Variants in SND1 observed in about 807,000 individuals in gnomAD.
SND1 encodes staphylococcal nuclease and tudor domain containing 1, also known as staphylococcal nuclease domain-containing protein 1.
SND1 carries 38 observed loss-of-function variants against 121.7 expected under a neutral mutation model. The observed-to-expected ratio is 0.31, with a 90% CI of 0.24 to 0.41. The LOEUF is 0.41. SND1 is among the 10% of genes least tolerant of loss of function. The pLI, the probability that SND1 is intolerant of heterozygous loss-of-function variation, is 1.00. For synonymous variants in SND1, 401 were observed against 447.4 expected (o/e 0.90, Z 1.31); for missense variants, 868 against 1,184.6 (o/e 0.73, Z 3.92).
intron 16 of SND1, among the ~76,000 whole-genome samples, chr7:128,050,375 T>C (rs1793025368): frequency 6.6e-6 from 1 of 152,236 alleles, no homozygotes. Flanking sequence ...GTTCTTCTCC[T>C]TACCTCTTTT....
intron 16 of SND1, among the ~76,000 whole-genome samples, chr7:128,040,715 T>G (rs1222608126): frequency 6.6e-6 from 1 of 152,262 alleles, no homozygotes; most frequent in East Asian, 1.9e-4. Context: ...AAACCTATTA[T>G]GTCCTTTTCT....
chr7:127,868,996 T>C (rs1401132329), intron 12 of SND1, among the ~76,000 whole-genome samples: 1 of 152,066 alleles, frequency 6.6e-6, no homozygotes, highest in African/African-American at 2.4e-5. Flanking sequence ...TTCGTTCCAA[T>C]GGGGGCAATC....
chr7:127,976,256 T>C (rs1802118044), intron 15 of SND1, among the ~76,000 whole-genome samples: 1 of 152,274 alleles, frequency 6.6e-6, no homozygotes, highest in African/African-American at 2.4e-5. Context: ...AATCCTGATT[T>C]CTGGCAAGCT....
At chr7:127,848,678 T>C (rs1799112247) in intron 12 of SND1, among the ~76,000 whole-genome samples, 1 of 152,214 alleles carries the variant, frequency 6.6e-6, no homozygotes, top group Admixed American at 6.5e-5. Flanking sequence ...CAGACTTCTG[T>C]AACTACAGAA....
intron 10 of SND1, among the ~76,000 whole-genome samples, chr7:127,777,558 G>A (rs1797644110): frequency 6.6e-6 from 1 of 152,174 alleles, no homozygotes; most frequent in Admixed American, 6.5e-5. Flanking sequence ...GGACATGATA[G>A]CACTATTAAA....
intron 12 of SND1, among the ~76,000 whole-genome samples, chr7:127,873,907 A>G (rs926992320): frequency 1.4e-5 from 2 of 147,686 alleles, no homozygotes; most frequent in African/African-American, 2.4e-5. Flanking sequence ...ACTATTCTAA[A>G]CAAAAGGAAG....
At chr7:127,789,779 T>C (rs1175296681) in intron 10 of SND1, among the ~76,000 whole-genome samples, 1 of 152,246 alleles carries the variant, frequency 6.6e-6, no homozygotes, top group Non-Finnish European at 1.5e-5. Context: ...GTTTATGTTG[T>C]TGATCCTTCA....
chr7:127,952,917 C>A (rs1172242435), intron 15 of SND1, among the ~76,000 whole-genome samples: 2 of 152,056 alleles, frequency 1.3e-5, no homozygotes, highest in Non-Finnish European at 2.9e-5. Flanking sequence ...AATCCCAGCA[C>A]TTTGGGAGGC....
At chr7:127,751,213 A>G (rs570003190) in intron 10 of SND1, among the ~76,000 whole-genome samples, 1 of 152,180 alleles carries the variant, frequency 6.6e-6, no homozygotes, top group African/African-American at 2.4e-5. Context: ...TGAATGGTGT[A>G]AAAGCCTAGC....
At chr7:127,721,664 G>A (rs1183215439) in intron 10 of SND1, among the ~76,000 whole-genome samples, 1 of 152,164 alleles carries the variant, frequency 6.6e-6, no homozygotes, top group African/African-American at 2.4e-5. Flanking sequence ...AGTGCAGTGA[G>A]GGTTGGGATA....
At chr7:127,837,659 G>C (rs938350783) in intron 11 of SND1, among the ~76,000 whole-genome samples, 1 of 152,194 alleles carries the variant, frequency 6.6e-6, no homozygotes, top group African/African-American at 2.4e-5. Context: ...TTGTTTTGAA[G>C]CTCTTCCTGT....
chr7:127,781,615 TC>T (rs1797724711), intron 10 of SND1, among the ~76,000 whole-genome samples: 1 of 152,042 alleles, frequency 6.6e-6, no homozygotes, highest in Admixed American at 6.5e-5. Context: ...GGAATAGAAA[TC>T]CGGTTCTGAA....
intron 12 of SND1, among the ~76,000 whole-genome samples, chr7:127,874,631 T>A (rs1799657822): frequency 6.6e-6 from 1 of 151,748 alleles, no homozygotes; most frequent in Admixed American, 6.6e-5. Flanking sequence ...GAAAAAAAAA[T>A]AAGGAATGAA....
chr7:127,923,419 C>T (rs1000296924), intron 14 of SND1, among the ~76,000 whole-genome samples: 1 of 152,244 alleles, frequency 6.6e-6, no homozygotes, highest in Non-Finnish European at 1.5e-5. Context: ...CCTGGTCTCT[C>T]TAGTACACAT....
intron 1 of SND1, chr7:127,679,272 C>T (rs1441674261): frequency 6.6e-6 from 1 of 152,264 alleles, no homozygotes; most frequent in African/African-American, 2.4e-5. Context: ...TGGGGTGAGT[C>T]ACCATGCCTG....
chr7:128,084,798 G>GCC lies in SND1; in HGVS notation c.2190_2191dup (p.Arg731ProfsTer12). The GCC allele has an allele frequency of 1.2e-6, 2 of 1,608,610 alleles. No individual in the cohort carries two copies. Among genetic ancestry groups the GCC allele is most frequent in the Non-Finnish European group, 1.7e-6 (2 of 1,176,242 alleles). On this transcript the variant is annotated frameshift_variant, in exon 19 of 24. Transcript: ENST00000354725. LOFTEE classifies it high-confidence loss of function. ...TCACCCCCCTGTAGAGGGCTCCTAT[G>GCC]CCCCCCGCAGGGGAGAGTTCTGCAT...
At chr7:127,835,315 G>A (rs1299415233) in intron 11 of SND1, among the ~76,000 whole-genome samples, 1 of 152,150 alleles carries the variant, frequency 6.6e-6, no homozygotes, top group Non-Finnish European at 1.5e-5. Context: ...TGTAAAATTT[G>A]TGCTGCTTGT....
At chr7:127,699,789 T>G (rs1796070379) in intron 4 of SND1, among the ~76,000 whole-genome samples, 1 of 152,232 alleles carries the variant, frequency 6.6e-6, no homozygotes, top group African/African-American at 2.4e-5. Flanking sequence ...ATTAAGTCCC[T>G]GCTCTCTTAT....
At chr7:127,948,229 C>G (rs1801377115) in intron 15 of SND1, among the ~76,000 whole-genome samples, 1 of 152,160 alleles carries the variant, frequency 6.6e-6, no homozygotes, top group African/African-American at 2.4e-5. Flanking sequence ...TTCTCTGATT[C>G]TCATTGTCTG....
Sources: allele counts gnomAD v4.1 joint callset (sites outside exome capture counted in the v4.1 genomes callset), GRCh38; gene constraint gnomAD v4.1.1; transcripts MANE v1.5; gene names NCBI Gene and HGNC (gene_info 2026-07-23, HGNC 2026-07-21).